Variants in TRPM3 observed in about 807,000 individuals in gnomAD.
TRPM3 encodes the protein long transient receptor potential channel 3.
TRPM3 carries 77 observed loss-of-function variants against 181.2 expected under a neutral mutation model. The observed-to-expected ratio is 0.42, with a 90% CI of 0.35 to 0.51. TRPM3 has a LOEUF of 0.51. Among genes scored for constraint, TRPM3 ranks in the 20% least tolerant of loss-of-function variants. The pLI, the probability that TRPM3 is intolerant of heterozygous loss-of-function variation, is 0.01. For synonymous variants in TRPM3, 745 were observed against 796.4 expected (o/e 0.94, Z 1.09); for missense variants, 1,759 against 2,196.7 (o/e 0.80, Z 3.98).
chr9:70,639,232 C>A, intron 10 of TRPM3, 38 bp from the exon 11 acceptor site: 1 of 1,608,930 alleles, frequency 6.2e-7, no homozygotes, highest in Middle Eastern at 1.7e-4. Context: ...GCCCCAGGGT[C>A]TATCTATGGA....
intron 1 of TRPM3, among the ~76,000 whole-genome samples, chr9:70,924,002 T>C (rs1397711739): frequency 6.6e-6 from 1 of 151,466 alleles, no homozygotes; most frequent in African/African-American, 2.4e-5. Context: ...TATCTATCTA[T>C]ATATATATAT....
intron 1 of TRPM3, among the ~76,000 whole-genome samples, chr9:71,115,405 C>A (rs2072129772): frequency 6.6e-6 from 1 of 152,096 alleles, no homozygotes; most frequent in South Asian, 2.1e-4. Context: ...ATATATCTTT[C>A]ATGTGTTTGT....
At chr9:70,913,703 A>C (rs773244375) in intron 1 of TRPM3, among the ~76,000 whole-genome samples, 1 of 152,120 alleles carries the variant, frequency 6.6e-6, no homozygotes, top group Non-Finnish European at 1.5e-5. Context: ...GACTTGACTA[A>C]TGGATGAATT....
At chr9:70,624,724 C>T (rs1046059638) in intron 14 of TRPM3, among the ~76,000 whole-genome samples, 5 of 152,170 alleles carry the variant, frequency 3.3e-5, no homozygotes, top group African/African-American at 4.8e-5. Flanking sequence ...TAGCCCTCTT[C>T]TATTAAGCTG....
At chr9:71,353,745 T>C (rs1474605904) in intron 1 of TRPM3, among the ~76,000 whole-genome samples, 1 of 152,206 alleles carries the variant, frequency 6.6e-6, no homozygotes, top group African/African-American at 2.4e-5. Context: ...TTTGTAAATA[T>C]TTGGCAGTTT....
intron 1 of TRPM3, among the ~76,000 whole-genome samples, chr9:70,900,117 C>T (rs2133000554): frequency 6.6e-6 from 1 of 152,174 alleles, no homozygotes; most frequent in South Asian, 2.1e-4. Flanking sequence ...TAACTGATGA[C>T]ACAGATACAA....
chr9:71,087,207 G>A (rs504639), intron 1 of TRPM3, among the ~76,000 whole-genome samples: 35,576 of 151,668 alleles, frequency 0.23, 4,918 homozygotes, highest in East Asian at 0.4. Context: ...ACTATTCCTC[G>A]ATCCCATCTA....
intron 1 of TRPM3, among the ~76,000 whole-genome samples, chr9:70,942,572 G>A (rs527260971): frequency 1.9e-4 from 29 of 152,256 alleles, no homozygotes; most frequent in Admixed American, 3.9e-4. Context: ...TGGTCATACC[G>A]TTTTTTCCAA....
At chr9:70,739,208 G>A in intron 8 of TRPM3, among the ~76,000 whole-genome samples, 1 of 152,096 alleles carries the variant, frequency 6.6e-6, no homozygotes, top group East Asian at 1.9e-4. Context: ...TCCCTGATGA[G>A]CACAGATGCA....
chr9:70,909,069 T>C (rs1487077443), intron 1 of TRPM3, among the ~76,000 whole-genome samples: 1 of 152,160 alleles, frequency 6.6e-6, no homozygotes, highest in Non-Finnish European at 1.5e-5. Context: ...CAAAACACAA[T>C]AGCATGAACT....
At chr9:71,182,795 G>T (rs1055188482) in intron 1 of TRPM3, among the ~76,000 whole-genome samples, 5 of 152,144 alleles carry the variant, frequency 3.3e-5, no homozygotes, top group African/African-American at 1.2e-4. Flanking sequence ...CTGAGTAGCT[G>T]GGATTACAGG....
chr9:70,863,201 T>C, intron 2 of TRPM3, 89 bp from the exon 3 acceptor site: 1 of 1,106,808 alleles, frequency 9.0e-7, no homozygotes, highest in East Asian at 2.4e-5. Flanking sequence ...ATCTATAGTC[T>C]GTGCCAACAC....
At chr9:71,134,799 T>C (rs533706246) in intron 1 of TRPM3, among the ~76,000 whole-genome samples, 1 of 152,196 alleles carries the variant, frequency 6.6e-6, no homozygotes, top group Non-Finnish European at 1.5e-5. Context: ...TCTAAGCCAC[T>C]AGAGACTTTG....
intron 1 of TRPM3, among the ~76,000 whole-genome samples, chr9:71,295,717 T>C (rs1331338638): frequency 1.3e-5 from 2 of 151,422 alleles, no homozygotes; most frequent in African/African-American, 2.4e-5. Context: ...CATGTACTAG[T>C]AGTCCCAGCT....
At chr9:70,831,531 C>G (rs1330127431) in intron 5 of TRPM3, among the ~76,000 whole-genome samples, 1 of 151,902 alleles carries the variant, frequency 6.6e-6, no homozygotes, top group Non-Finnish European at 1.5e-5. Context: ...CCCGCAGCAT[C>G]CATTGCATGT....
rs187857560 is a variant in TRPM3, at chr9:71,244,281, T to C, written c.183+202372A>G. Among the ~76,000 whole-genome samples, 18 of 152,240 alleles carry C rather than the reference T, an allele frequency of 1.2e-4. No individual in the cohort carries two copies. In the East Asian group the frequency reaches 3.5e-3, roughly 29 times the overall value. ...GGCCAGAGTAGAGCTTTCTAAAGCATGGGGTCGGGAGCTGGGGTCCCTTTG... is the reference window on the plus strand; with the variant it reads ...GGCCAGAGTAGAGCTTTCTAAAGCACGGGGTCGGGAGCTGGGGTCCCTTTG... On this transcript the variant is annotated intron_variant, in intron 1 of 24. Coordinates refer to the TRPM3 transcript ENST00000357533.
chr9:71,357,262 A>G (rs1198971469), intron 1 of TRPM3, among the ~76,000 whole-genome samples: 1 of 152,208 alleles, frequency 6.6e-6, no homozygotes, highest in African/African-American at 2.4e-5. Context: ...TTATTTCTAA[A>G]GAAGCAAAAG....
chr9:71,100,621 ATTATC>A (rs1455612574), intron 1 of TRPM3, among the ~76,000 whole-genome samples: 2 of 152,150 alleles, frequency 1.3e-5, no homozygotes, highest in East Asian at 3.9e-4. Context: ...CTTAACTATG[ATTATC>A]TTAAGATGAT....
At chr9:71,276,620 CTACAAG>C (rs1316763187) in intron 1 of TRPM3, among the ~76,000 whole-genome samples, 1 of 152,086 alleles carries the variant, frequency 6.6e-6, no homozygotes, top group Non-Finnish European at 1.5e-5. Context: ...TAATTCATGA[CTACAAG>C]TTTGGCAAAA....
Sources: gnomAD v4.1 joint callset for allele counts (sites outside exome capture counted in the v4.1 genomes callset) on GRCh38, gnomAD v4.1.1 for gene constraint, MANE v1.5 for transcripts, NCBI Gene and HGNC (gene_info 2026-07-23, HGNC 2026-07-21) for gene names.